Variants in TMEFF1 observed in about 807,000 individuals in gnomAD.
TMEFF1 encodes transmembrane protein with EGF like and two follistatin like domains 1.
Under a neutral mutation model 47.5 loss-of-function variants are expected in TMEFF1, and 20 were observed. The observed-to-expected ratio is 0.42, with a 90% confidence interval of 0.30 to 0.61. The LOEUF is 0.61. TMEFF1 is among the 20% of genes least tolerant of loss of function. TMEFF1 has a pLI of 0.19. For synonymous variants in TMEFF1, 162 were observed against 166.3 expected, an observed-to-expected ratio of 0.97 and a Z score of 0.20; for missense variants, 411 against 471.1, an observed-to-expected ratio of 0.87 and a Z score of 1.18.
At chr9:100,530,480 A>T (rs2118446381) in intron 5 of TMEFF1, among the ~76,000 whole-genome samples, 1 of 152,344 alleles carries the variant, frequency 6.6e-6, no homozygotes, top group East Asian at 1.9e-4. Flanking sequence ...AAACTAGAAA[A>T]TCTAGAAGAA....
At chr9:100,488,022 C>T (rs1014766159) in intron 1 of TMEFF1, among the ~76,000 whole-genome samples, 28 of 152,100 alleles carry the variant, frequency 1.8e-4, no homozygotes, top group African/African-American at 6.5e-4. Context: ...TGGCTACCTC[C>T]TATTCTACTT....
rs1839366809 is a variant in TMEFF1, at chr9:100,577,197, G to A, written c.*597G>A. 1 of 152,484 alleles carries A rather than the reference G, an allele frequency of 6.6e-6. No homozygotes were observed. Among genetic ancestry groups the A allele is most frequent in the Non-Finnish European group, 1.5e-5 (1 of 68,014 alleles). The allele number at this position is 152,484 out of a possible 1,614,324, so 9.4% of individuals were successfully genotyped here. On this transcript the variant is annotated 3_prime_UTR_variant, in exon 10 of 10. Coordinates refer to ENST00000374879, the MANE Select transcript of TMEFF1 (RefSeq NM_003692.5). ...TTTGAACAAATATGTTAGTAATGAT[G>A]GAACAGATCAATGAAAAGTAGATAT... is the stretch of plus-strand genomic sequence containing the variant.
At chr9:100,572,093 C>T (rs546796010) in intron 8 of TMEFF1, among the ~76,000 whole-genome samples, 8 of 151,968 alleles carry the variant, frequency 5.3e-5, no homozygotes, top group African/African-American at 9.7e-5. Flanking sequence ...GTCCATGGCC[C>T]GGGAGTTGGG....
intron 5 of TMEFF1, among the ~76,000 whole-genome samples, chr9:100,526,953 TAC>T (rs1249195060): frequency 0.098 from 399 of 4,070 alleles, 6 homozygotes; most frequent in African/African-American, 0.27. Context: ...CTGCTAAAAA[TAC>T]AAAAAAAAAA....
intron 8 of TMEFF1, among the ~76,000 whole-genome samples, chr9:100,564,753 G>T (rs1043857081): frequency 1.3e-5 from 2 of 152,166 alleles, no homozygotes. Context: ...AAGCCACTCT[G>T]GTGACATTGT....
chr9:100,541,837 T>C (rs552577495), intron 5 of TMEFF1, among the ~76,000 whole-genome samples: 6 of 152,310 alleles, frequency 3.9e-5, no homozygotes, highest in East Asian at 3.9e-4. Context: ...CTAAAATCTT[T>C]TATATCTGAT....
intron 5 of TMEFF1, among the ~76,000 whole-genome samples, chr9:100,520,694 T>C (rs1289575847): frequency 6.6e-6 from 1 of 152,254 alleles, no homozygotes; most frequent in Non-Finnish European, 1.5e-5. Flanking sequence ...AGAGCATTTT[T>C]TACACATAAT....
intron 5 of TMEFF1, among the ~76,000 whole-genome samples, chr9:100,521,462 T>A (rs1014886956): frequency 6.6e-6 from 1 of 152,220 alleles, no homozygotes; most frequent in African/African-American, 2.4e-5. Context: ...AAACAGTGCA[T>A]AGACTTCCTA....
intron 1 of TMEFF1, among the ~76,000 whole-genome samples, chr9:100,477,746 C>A (rs1054100260): frequency 2.0e-4 from 30 of 151,588 alleles, no homozygotes; most frequent in South Asian, 4.2e-4. Flanking sequence ...CTGCCTCAAG[C>A]CTCCCGAGTA....
intron 8 of TMEFF1, among the ~76,000 whole-genome samples, chr9:100,562,562 CT>C (rs1183841642): frequency 6.6e-6 from 1 of 151,188 alleles, no homozygotes; most frequent in Non-Finnish European, 1.5e-5. Flanking sequence ...CTAGCCTTCT[CT>C]TCTTTTTTTT....
chr9:100,565,095 C>T (rs1176125692), intron 8 of TMEFF1, among the ~76,000 whole-genome samples: 4 of 152,022 alleles, frequency 2.6e-5, no homozygotes, highest in Admixed American at 6.6e-5. Flanking sequence ...GTGGGATATC[C>T]GCTTACAGAT....
At chr9:100,570,846 G>A (rs980262584) in intron 8 of TMEFF1, among the ~76,000 whole-genome samples, 1 of 151,888 alleles carries the variant, frequency 6.6e-6, no homozygotes, top group Admixed American at 6.6e-5. Flanking sequence ...AATGAGTTGT[G>A]GGACATTCAT....
At chr9:100,540,188 A>G (rs1838602439) in intron 5 of TMEFF1, among the ~76,000 whole-genome samples, 1 of 151,298 alleles carries the variant, frequency 6.6e-6, no homozygotes, top group Admixed American at 6.6e-5. Context: ...CCAAGTCCCC[A>G]CCCGATCTTT....
rs1381713443 is a variant in TMEFF1, at chr9:100,518,970, CTAT to C, written c.560+2204_560+2206del. On this transcript the variant is annotated intron_variant, in intron 5 of 9. Transcript: ENST00000374879. ...TAAGTCTTGATTTTTATATAAAAAC[CTAT>C]TATTTATTAAGATGTTACATAATTT... Among the ~76,000 whole-genome samples the C allele has an allele frequency of 2.6e-5, 4 of 151,900 alleles. No homozygotes were observed. In the East Asian group the frequency reaches 7.7e-4, roughly 29 times the overall value.
chr9:100,559,797 G>T (rs1263123204), intron 7 of TMEFF1, among the ~76,000 whole-genome samples: 1 of 152,094 alleles, frequency 6.6e-6, no homozygotes, highest in East Asian at 1.9e-4. Flanking sequence ...GAATTTATAT[G>T]TTAGGTTCCC....
chr9:100,518,032 C>G (rs1366140290), intron 5 of TMEFF1, among the ~76,000 whole-genome samples: 1 of 152,218 alleles, frequency 6.6e-6, no homozygotes, highest in Middle Eastern at 3.4e-3. Flanking sequence ...TGTTTTTATT[C>G]CTTTCGCGGT....
rs138984416 is a variant in TMEFF1 at position 100,514,628 on chromosome 9, A to T, written c.463+1295A>T. ...AACTTTGGGAAGCTGAGATGGGAGG[A>T]TCACTTGAGCCCAGGAGTTTGAAAC... On this transcript the variant is annotated intron_variant, in intron 4 of 9. Coordinates refer to ENST00000374879, the MANE Select transcript of TMEFF1 (RefSeq NM_003692.5). Among the ~76,000 whole-genome samples, 336 of 151,036 alleles carry T rather than the reference A, an allele frequency of 2.2e-3. 2 individuals are homozygous for T. Among genetic ancestry groups the T allele is most frequent in the South Asian group, 9.7e-3 (46 of 4,758 alleles).
intron 5 of TMEFF1, among the ~76,000 whole-genome samples, chr9:100,522,271 T>G (rs1838174538): frequency 2.0e-5 from 3 of 152,206 alleles, no homozygotes; most frequent in Admixed American, 2.0e-4. Context: ...ATTTTAAAAC[T>G]ATTTTTAGGT....
In TMEFF1 at chr9:100,516,742, T is replaced by C. The variant is rs777498344; in HGVS notation, c.531T>C (p.Ala177=). ...HSKCGPCKYK[A]ECDEDAENVG... ...AGTGTGGACCCTGCAAATATAAAGC[T>C]GAGTGTGATGAAGATGCAGAAAATG... The change falls in exon 5 of 10, where the codon GCT becomes GCC. Residue 177 remains alanine (A), a synonymous_variant. Transcript: ENST00000374879. 4 of 1,613,534 alleles carry C rather than the reference T, an allele frequency of 2.5e-6. No homozygotes were observed. In the East Asian group the frequency reaches 6.7e-5, roughly 27 times the overall value.
Sources: gnomAD v4.1 joint callset for allele counts (sites outside exome capture counted in the v4.1 genomes callset) on GRCh38, gnomAD v4.1.1 for gene constraint, MANE v1.5 for transcripts, NCBI Gene and HGNC (gene_info 2026-07-23, HGNC 2026-07-21) for gene names.